MAGI2: variants seen among roughly 807,000 people sequenced by gnomAD.
The protein encoded by MAGI2 is membrane associated guanylate kinase, WW and PDZ domain containing 2.
In MAGI2, 35 loss-of-function variants were observed where a neutral mutation model predicts 133.3. The ratio of observed to expected loss-of-function variants is 0.26; its 90% confidence interval spans 0.20 to 0.35. The LOEUF (loss-of-function observed/expected upper bound fraction) is 0.35, where lower values mean the gene tolerates loss of function less well. Ranked by LOEUF, MAGI2 falls within the 10% of genes least tolerant of loss-of-function variation. The probability of loss-of-function intolerance (pLI) is 1.00; values close to 1 mark genes in which losing one functional copy is unlikely to be tolerated. For missense variants in MAGI2, 1,636 were observed against 1,863.4 expected (o/e 0.88, Z 2.25); for synonymous variants, 729 against 710.6 (o/e 1.03, Z -0.41).
intron 9 of MAGI2, among the ~76,000 whole-genome samples, chr7:78,266,201 C>G (rs1448788917): frequency 6.6e-6 from 1 of 152,124 alleles, no homozygotes; most frequent in African/African-American, 2.4e-5. Flanking sequence ...ACACGTAGAG[C>G]AGTGTTTTTA....
chr7:79,428,957 T>C (rs1265201838), intron 1 of MAGI2, among the ~76,000 whole-genome samples: 1 of 152,142 alleles, frequency 6.6e-6, no homozygotes, highest in Middle Eastern at 3.2e-3. Flanking sequence ...CTTTTAAATA[T>C]ACCTTGATTA....
intron 2 of MAGI2, among the ~76,000 whole-genome samples, chr7:78,889,691 C>G (rs1178432696): frequency 6.6e-6 from 1 of 152,152 alleles, no homozygotes; most frequent in East Asian, 1.9e-4. Flanking sequence ...GAGATTTTGT[C>G]ACCACCAGGC....
intron 2 of MAGI2, among the ~76,000 whole-genome samples, chr7:78,819,440 G>C (rs1283999454): frequency 6.6e-6 from 1 of 151,952 alleles, no homozygotes; most frequent in African/African-American, 2.4e-5. Flanking sequence ...CTTTTTCTAG[G>C]TTTATCGGGA....
chr7:78,134,627 G>A (rs1821911400), intron 17 of MAGI2: 1 of 162,788 alleles, frequency 6.1e-6, no homozygotes, highest in Non-Finnish European at 1.3e-5. Flanking sequence ...CTGACTTTGA[G>A]GAATCCTCTA....
At chr7:79,153,327 G>A (rs777200698) in intron 1 of MAGI2, among the ~76,000 whole-genome samples, 4 of 152,126 alleles carry the variant, frequency 2.6e-5, no homozygotes, top group African/African-American at 9.7e-5. Context: ...CACCACTGGC[G>A]AGCAGCAGAC....
chr7:78,950,377 TA>T (rs562168532), intron 2 of MAGI2, among the ~76,000 whole-genome samples: 72 of 152,174 alleles, frequency 4.7e-4, no homozygotes, highest in Non-Finnish European at 9.3e-4. Context: ...ATTATTGCTT[TA>T]AAAAATGCAG....
intron 6 of MAGI2, among the ~76,000 whole-genome samples, chr7:78,402,846 T>A (rs528890114): frequency 6.6e-6 from 1 of 152,160 alleles, no homozygotes; most frequent in Non-Finnish European, 1.5e-5. Context: ...ACACAACATA[T>A]GAAAAATTTC....
At chr7:78,683,081 C>T (rs559294766) in intron 2 of MAGI2, among the ~76,000 whole-genome samples, 30 of 152,154 alleles carry the variant, frequency 2.0e-4, no homozygotes, top group South Asian at 1.2e-3. Context: ...CTGACAAATT[C>T]GGCTAGACAA....
chr7:78,885,931 T>A (rs1254552715), intron 2 of MAGI2, among the ~76,000 whole-genome samples: 4 of 152,150 alleles, frequency 2.6e-5, no homozygotes, highest in Non-Finnish European at 5.9e-5. Flanking sequence ...TGCCTGCTGA[T>A]CCTCTACCAA....
intron 1 of MAGI2, among the ~76,000 whole-genome samples, chr7:79,185,867 C>A (rs545469593): frequency 6.6e-6 from 1 of 151,780 alleles, no homozygotes; most frequent in Non-Finnish European, 1.5e-5. Context: ...CGTGACAGAA[C>A]TAAAATGATC....
chr7:78,872,101 C>CA (rs1294199449), intron 2 of MAGI2, among the ~76,000 whole-genome samples: 1 of 148,572 alleles, frequency 6.7e-6, no homozygotes, highest in Non-Finnish European at 1.5e-5. Flanking sequence ...TTCTTTCCTC[C>CA]AAAACAAACA....
intron 2 of MAGI2, among the ~76,000 whole-genome samples, chr7:78,675,433 T>C (rs538075505): frequency 1.3e-5 from 2 of 152,142 alleles, no homozygotes; most frequent in East Asian, 1.9e-4. Flanking sequence ...CTGGTTTGTA[T>C]TGTTACTGAT....
At chr7:79,403,434 C>CA (rs1554473050) in intron 1 of MAGI2, among the ~76,000 whole-genome samples, 1 of 150,384 alleles carries the variant, frequency 6.6e-6, no homozygotes, top group Non-Finnish European at 1.5e-5. Context: ...ACCTTTCTTG[C>CA]TTTTTTTTTA....
rs1391499202 is a variant in MAGI2 at position 78,957,894 on chromosome 7, G to A, written c.418+49196C>T. Reference sequence around the variant, plus strand: ...TCTTCATTTCTCTGTGTGACTCAGAGGTTCCACAATTACCAAAAAATCTTA... The same window carrying A: ...TCTTCATTTCTCTGTGTGACTCAGAAGTTCCACAATTACCAAAAAATCTTA... On this transcript the variant is annotated intron_variant, in intron 2 of 21. Transcript: ENST00000354212. 3.9e-5 allele frequency among the ~76,000 whole-genome samples: 6 copies of A among 152,096 alleles called. No individual in the cohort carries two copies. The East Asian group carries it at 1.2e-3, about 29-fold the overall frequency.
intron 2 of MAGI2, among the ~76,000 whole-genome samples, chr7:78,778,943 G>A (rs373819048): frequency 1.0e-4 from 12 of 115,012 alleles, no homozygotes; most frequent in Admixed American, 7.2e-4. Flanking sequence ...GTCTTGCTCT[G>A]TTGCCCAGGC....
chr7:78,782,791 A>G (rs185593232), intron 2 of MAGI2, among the ~76,000 whole-genome samples: 40 of 152,210 alleles, frequency 2.6e-4, no homozygotes, highest in South Asian at 1.9e-3. Context: ...GTAAACTTTG[A>G]CAGTACTAAG....
intron 10 of MAGI2, among the ~76,000 whole-genome samples, chr7:78,234,370 A>C (rs1188765800): frequency 6.6e-6 from 1 of 152,164 alleles, no homozygotes. Context: ...TGATTTATCT[A>C]ATGCACTAAA....
intron 9 of MAGI2, among the ~76,000 whole-genome samples, chr7:78,301,796 G>A (rs1266281904): frequency 3.3e-5 from 5 of 152,134 alleles, no homozygotes; most frequent in African/African-American, 1.2e-4. Context: ...TACATATAGA[G>A]TATGTGCTTA....
Position 78,804,688 on chromosome 7 carries a change from G to T in MAGI2, c.419-177449C>A, listed in dbSNP as rs568129644. ...GGTGTGAACCCAGGAGGCGGAGCTTGCAGTGAGCCGAGATGGCGCCACTGC... is the reference window on the plus strand; with the variant it reads ...GGTGTGAACCCAGGAGGCGGAGCTTTCAGTGAGCCGAGATGGCGCCACTGC... On this transcript the variant is annotated intron_variant, in intron 2 of 21. Transcript: ENST00000354212. 6.3e-4 allele frequency among the ~76,000 whole-genome samples: 94 copies of T among 149,730 alleles called. No individual in the cohort carries two copies. The Middle Eastern group carries it at 0.034, about 55-fold the overall frequency.
Sources: allele counts gnomAD v4.1 joint callset (sites outside exome capture counted in the v4.1 genomes callset), GRCh38; gene constraint gnomAD v4.1.1; transcripts MANE v1.5; gene names NCBI Gene and HGNC (gene_info 2026-07-23, HGNC 2026-07-21).